The following EEIG1 variants were observed in gnomAD, a reference collection of about 807,000 sequenced individuals.
The protein encoded by EEIG1 is estrogen-induced osteoclastogenesis regulator 1.
the EEIG1 span, among the ~76,000 whole-genome samples, chr9:127,976,283 G>C: frequency 6.6e-6 from 1 of 152,182 alleles, no homozygotes; most frequent in South Asian, 2.1e-4. The surrounding 1 kb of genome is among the most constrained non-coding windows in gnomAD (Gnocchi z 4.1). Flanking sequence ...CACTTCAGTT[G>C]TCCTGACCCC....
the EEIG1 span, chr9:127,950,655 C>T: frequency 6.0e-6 from 9 of 1,498,312 alleles, no homozygotes; most frequent in Admixed American, 2.0e-5. Context: ...AGCCCCTGGG[C>T]CAGCCCCACA....
At chr9:127,973,660 G>C in the EEIG1 span, among the ~76,000 whole-genome samples, 1 of 152,228 alleles carries the variant, frequency 6.6e-6, no homozygotes, top group Admixed American at 6.5e-5. The surrounding 1 kb of genome is among the most constrained non-coding windows in gnomAD (Gnocchi z 4.2). Context: ...CAGCAGTATA[G>C]TCTGACCTCG....
chr9:127,969,349 G>C, the EEIG1 span, among the ~76,000 whole-genome samples: 1 of 152,220 alleles, frequency 6.6e-6, no homozygotes, highest in Non-Finnish European at 1.5e-5. Context: ...CACAGGAAGA[G>C]AGAAGAGAAA....
At chr9:127,980,568 T>TGAGGGCG in the EEIG1 span, 3 of 150,614 alleles carry the variant, frequency 2.0e-5, no homozygotes, top group African/African-American at 7.3e-5. Flanking sequence ...CCGGTAAGGC[T>TGAGGGCG]GAGGGCGGAG....
At chr9:127,944,929 A>G in the EEIG1 span, 3 of 1,604,292 alleles carry the variant, frequency 1.9e-6, no homozygotes, top group East Asian at 2.2e-5. Flanking sequence ...ACAAGTCACA[A>G]CGGTCAGGGC....
the EEIG1 span, among the ~76,000 whole-genome samples, chr9:127,980,788 C>A: frequency 1.3e-5 from 2 of 149,646 alleles, no homozygotes; most frequent in Non-Finnish European, 3.0e-5. Flanking sequence ...TCAGGGCAGG[C>A]ACCGGGCCGG....
chr9:127,947,983 C>A, the EEIG1 span: 1 of 1,438,410 alleles, frequency 7.0e-7, no homozygotes, highest in South Asian at 1.3e-5. Flanking sequence ...TCCCCTCAGT[C>A]AGCGTCTCCC....
chr9:127,947,917 G>C, the EEIG1 span, among the ~76,000 whole-genome samples: 13 of 152,086 alleles, frequency 8.5e-5, no homozygotes, highest in Non-Finnish European at 1.9e-4. Flanking sequence ...CACGCACAAG[G>C]TGATCAGGTC....
At chr9:127,953,842 A>G in the EEIG1 span, 1 of 1,613,922 alleles carries the variant, frequency 6.2e-7, no homozygotes, top group African/African-American at 1.3e-5. Flanking sequence ...GGGGTCCAGC[A>G]GGCCGGTGGC....
chr9:127,962,846 T>A, the EEIG1 span, among the ~76,000 whole-genome samples: 13 of 151,890 alleles, frequency 8.6e-5, no homozygotes. Context: ...CTGGGCAACA[T>A]AACAAGACCC....
At chr9:127,949,720 G>T in the EEIG1 span, among the ~76,000 whole-genome samples, 4 of 152,198 alleles carry the variant, frequency 2.6e-5, no homozygotes, top group African/African-American at 7.2e-5. Context: ...GCTCTCCCTG[G>T]GTCCCCTTGC....
the EEIG1 span, among the ~76,000 whole-genome samples, chr9:127,959,755 T>G: frequency 6.6e-6 from 1 of 152,216 alleles, no homozygotes; most frequent in Non-Finnish European, 1.5e-5. Flanking sequence ...TCCTGAGGCC[T>G]CGGCACCCAT....
At chr9:127,954,007 C>T in the EEIG1 span, 1 of 1,556,200 alleles carries the variant, frequency 6.4e-7, no homozygotes, top group Non-Finnish European at 8.8e-7. Flanking sequence ...ACATGGCACT[C>T]CCCATTGGGA....
the EEIG1 span, chr9:127,953,662 G>C: frequency 6.2e-7 from 1 of 1,607,136 alleles, no homozygotes; most frequent in Admixed American, 1.7e-5. Context: ...GGGACCTCAT[G>C]CATCTCCCAC....
the EEIG1 span, among the ~76,000 whole-genome samples, chr9:127,973,671 C>T: frequency 5.2e-4 from 79 of 152,348 alleles, no homozygotes; most frequent in African/African-American, 1.4e-3. The surrounding 1 kb of genome is among the most constrained non-coding windows in gnomAD (Gnocchi z 4.2). Context: ...TCTGACCTCG[C>T]GGAACCAGCA....
At chr9:127,945,859 C>A in the EEIG1 span, 1 of 746,838 alleles carries the variant, frequency 1.3e-6, no homozygotes, top group East Asian at 2.7e-5. This position sits in a 1 kb window ranked among gnomAD's most constrained non-coding sequence, Gnocchi z 6.5. Context: ...GGCAGGGCGC[C>A]ATTTAACAGA....
At chr9:127,946,279 C>T in the EEIG1 span, among the ~76,000 whole-genome samples, 3 of 152,184 alleles carry the variant, frequency 2.0e-5, no homozygotes, top group Non-Finnish European at 4.4e-5. Flanking sequence ...TGAGGGCGAG[C>T]GGTCTGGCCC....
the EEIG1 span, chr9:127,948,535 C>G: frequency 1.0e-6 from 1 of 973,090 alleles, no homozygotes; most frequent in Non-Finnish European, 1.6e-6. Context: ...TGTCTCTCTG[C>G]CCCCTCCTGG....
chr9:127,963,072 T>C, the EEIG1 span, among the ~76,000 whole-genome samples: 1 of 152,200 alleles, frequency 6.6e-6, no homozygotes, highest in Non-Finnish European at 1.5e-5. Flanking sequence ...GAAGGGATAA[T>C]GGCCAGAAGG....
Sources: gnomAD v4.1 joint callset for allele counts (sites outside exome capture counted in the v4.1 genomes callset) on GRCh38, gnomAD v4.1.1 for gene constraint, Gnocchi (gnomAD v3.1) non-coding constraint, MANE v1.5 for transcripts, NCBI Gene and HGNC (gene_info 2026-07-23, HGNC 2026-07-21) for gene names.